The following DAP3 variants were observed in gnomAD, a reference collection of about 807,000 sequenced individuals.
The protein encoded by DAP3 is small ribosomal subunit protein mS29.
In DAP3, 28 loss-of-function variants were observed where a neutral mutation model predicts 51.9. The observed-to-expected ratio is 0.54, with a 90% CI of 0.40 to 0.74. DAP3 has a LOEUF of 0.74. DAP3 is among the 30% of genes least tolerant of loss of function. DAP3 has a pLI of 0.00. For missense variants in DAP3, 458 were observed against 483.5 expected (o/e 0.95, Z 0.49); for synonymous variants, 170 against 170.3 (o/e 1.00, Z 0.01).
intron 4 of DAP3, among the ~76,000 whole-genome samples, chr1:155,722,398 C>A (rs1366865994): frequency 1.3e-5 from 2 of 151,916 alleles, no homozygotes; most frequent in African/African-American, 4.8e-5. Context: ...CAGAGCAAGA[C>A]CTTATCTCAA....
intron 1 of DAP3, among the ~76,000 whole-genome samples, chr1:155,698,150 AC>A (rs1654761802): frequency 6.6e-6 from 1 of 152,032 alleles, no homozygotes; most frequent in Non-Finnish European, 1.5e-5. Context: ...AACAATTTGT[AC>A]AGGTAATGCA....
In DAP3 at chr1:155,725,382, G is replaced by A; in HGVS notation, c.271G>A (p.Val91Met). The A allele has an allele frequency of 6.2e-7, 1 of 1,613,856 alleles. No individual in the cohort carries two copies. Among genetic ancestry groups the A allele is most frequent in the Non-Finnish European group, 8.5e-7 (1 of 1,179,904 alleles). Residue 91 changes from valine (V) to methionine (M), a missense_variant and splice_region_variant, in exon 5 of 13, where the codon GTG (valine) becomes ATG (methionine). By Grantham distance (21) the Val-to-Met change is conservative. Coordinates refer to ENST00000368336, the MANE Select transcript of DAP3 (RefSeq NM_004632.4). ...HGLPPRFVMQ[V>M]KTFSEACLMV... ...CTTTCCTTCTTTCCTACTTTATCAG[G>A]TGAAGACATTCAGTGAAGCTTGCCT...
chr1:155,691,989 T>C (rs748014763), intron 1 of DAP3, among the ~76,000 whole-genome samples: 1 of 141,690 alleles, frequency 7.1e-6, no homozygotes, highest in African/African-American at 3.2e-5. Flanking sequence ...CCACACTGTT[T>C]ATTGAGTACA....
intron 4 of DAP3, among the ~76,000 whole-genome samples, chr1:155,724,514 T>C (rs943079336): frequency 6.6e-6 from 1 of 150,464 alleles, no homozygotes; most frequent in Admixed American, 6.7e-5. Context: ...GCACCTGTAA[T>C]CCCAGCTACT....
intron 3 of DAP3, 122 bp downstream of exon 3, chr1:155,717,250 C>T (rs1657450771): frequency 1.4e-6 from 2 of 1,446,656 alleles, no homozygotes; most frequent in Admixed American, 2.2e-5. Context: ...TCAGATAGTG[C>T]ACCTGAGATA....
intron 4 of DAP3, among the ~76,000 whole-genome samples, chr1:155,722,668 T>G (rs1288630616): frequency 6.6e-6 from 1 of 151,820 alleles, no homozygotes; most frequent in African/African-American, 2.4e-5. Flanking sequence ...AAGAAAAACA[T>G]TTAGTCATGT....
upstream of DAP3, chr1:155,688,753 G>C: frequency 6.7e-7 from 1 of 1,497,208 alleles, no homozygotes; most frequent in East Asian, 2.6e-5. Context: ...CAAAGCAGCC[G>C]CCGCCAGCAC....
rs368571740 is a variant in DAP3, at chr1:155,737,345, C to G, written c.1111+282C>G. On this transcript the variant is annotated intron_variant, in intron 12 of 12. Transcript: ENST00000368336. ...TTTCCAGGTAATTGGGTTCCTGCCA[C>G]ATTCTCCTTATTGAATTTATTTATT... Among the ~76,000 whole-genome samples, 97 of 152,316 alleles carry G rather than the reference C, an allele frequency of 6.4e-4. 1 individual carries two copies. The South Asian group carries it at 0.019, about 30-fold the overall frequency.
At position 155,724,038 on chromosome 1, in the gene DAP3, C is replaced by CAA. The variant is rs560166121; in HGVS notation, c.271-1327_271-1326dup. Among the ~76,000 whole-genome samples the CAA allele has an allele frequency of 8.8e-4, 71 of 80,524 alleles. 1 individual carries two copies. Among genetic ancestry groups the CAA allele is most frequent in the African/African-American group, 2.2e-3 (62 of 28,108 alleles). The allele number at this position is 80,524 out of a possible 152,430, so 52.8% of individuals were successfully genotyped here. A position where few individuals can be genotyped will look rare whatever the true frequency, so the allele number is the denominator to read the frequency against. On this transcript the variant is annotated intron_variant, in intron 4 of 12. Transcript: ENST00000368336. The stretch of plus-strand genomic sequence containing the variant: ...TGTGCGACAGAGCGAGACTCTGTCT[C>CAA]AAAAAAAAAAAAAAAAAATTAACAC...
chr1:155,709,923 G>C, intron 2 of DAP3, 99 bp downstream of exon 2: 1 of 1,150,460 alleles, frequency 8.7e-7, no homozygotes, highest in African/African-American at 1.5e-5. Context: ...GAAATGCTCT[G>C]GAAAACTTCA....
intron 7 of DAP3, 49 bp downstream of exon 7, chr1:155,727,787 C>G: frequency 6.3e-7 from 1 of 1,593,982 alleles, no homozygotes; most frequent in Non-Finnish European, 8.5e-7. Flanking sequence ...TACATGGATT[C>G]TTTGTGCCCT....
intron 3 of DAP3, among the ~76,000 whole-genome samples, chr1:155,719,194 C>T (rs1657693266): frequency 6.6e-6 from 1 of 151,220 alleles, no homozygotes; most frequent in Admixed American, 6.6e-5. Flanking sequence ...GAGTTCTAGA[C>T]TAGCCTAGGC....
intron 2 of DAP3, among the ~76,000 whole-genome samples, chr1:155,712,718 G>T (rs2149154965): frequency 6.6e-6 from 1 of 151,606 alleles, no homozygotes; most frequent in African/African-American, 2.4e-5. Context: ...GGAGGATCAT[G>T]TGGGCCCAGG....
upstream of DAP3, chr1:155,688,323 G>GGCGGCAGCGGCGGCAGCAGAGTGGCC (rs1652939874): frequency 1.3e-6 from 2 of 1,548,716 alleles, no homozygotes; most frequent in African/African-American, 1.4e-5. Flanking sequence ...CCAAAATGGC[G>GGCGGCAGCGGCGGCAGCAGAGTGGCC]GCGGCAGCGG....
chr1:155,736,502 C>A, intron 11 of DAP3: 1 of 218,552 alleles, frequency 4.6e-6, no homozygotes. Context: ...CAGCTCACTG[C>A]AATCTCAACC....
At chr1:155,688,888 T>C, upstream of DAP3, 1 of 1,611,846 alleles carries the variant, frequency 6.2e-7, no homozygotes, top group East Asian at 2.2e-5. Context: ...GCCGTTTGAC[T>C]GGAATTGCCA....
chr1:155,707,306 G>A lies in DAP3; in HGVS notation c.-7-2467G>A, dbSNP rs547032592. 7.1e-4 allele frequency among the ~76,000 whole-genome samples: 107 copies of A among 150,248 alleles called. 1 individual carries two copies. The highest frequency in any genetic ancestry group is 2.5e-3 in the African/African-American group (102 of 40,776). On this transcript the variant is annotated intron_variant, in intron 1 of 12. Transcript: ENST00000368336. Reference sequence around the variant, plus strand: ...TGGGCGCCTGTAGTCCCAGCTACTCGGGAGGCTGAGGCAGGAGAATGGCGT... The same window carrying A: ...TGGGCGCCTGTAGTCCCAGCTACTCAGGAGGCTGAGGCAGGAGAATGGCGT...
At chr1:155,721,207 A>G (rs1225685938) in intron 3 of DAP3, among the ~76,000 whole-genome samples, 1 of 150,124 alleles carries the variant, frequency 6.7e-6, no homozygotes. Flanking sequence ...GCGGTGGCAG[A>G]TTGTAATGCC....
chr1:155,716,116 G>A (rs1359533513), intron 2 of DAP3, among the ~76,000 whole-genome samples: 1 of 152,216 alleles, frequency 6.6e-6, no homozygotes, highest in Middle Eastern at 3.2e-3. Context: ...GCTATGCTAT[G>A]TATGCTCCTG....
Sources: gnomAD v4.1 joint callset for allele counts (sites outside exome capture counted in the v4.1 genomes callset) on GRCh38, gnomAD v4.1.1 for gene constraint, MANE v1.5 for transcripts, NCBI Gene and HGNC (gene_info 2026-07-23, HGNC 2026-07-21) for gene names.